AFG1L: variants seen among roughly 807,000 people sequenced by gnomAD.
AFG1L encodes the protein AFG1-like ATPase.
Under a neutral mutation model 62.2 loss-of-function variants are expected in AFG1L, and 53 were observed. The observed-to-expected ratio is 0.85, with a 90% CI of 0.68 to 1.07. The LOEUF is 1.07. AFG1L is among the 50% of genes least tolerant of loss of function. The pLI is 0.00. For missense variants in AFG1L, 555 were observed against 590.5 expected, an observed-to-expected ratio of 0.94 and a Z score of 0.62; for synonymous variants, 228 against 210.3, an observed-to-expected ratio of 1.08 and a Z score of -0.73.
intron 10 of AFG1L, among the ~76,000 whole-genome samples, chr6:108,486,363 C>A (rs1773571971): frequency 6.6e-6 from 1 of 151,488 alleles, no homozygotes; most frequent in Non-Finnish European, 1.5e-5. Context: ...ATCAGTTGAC[C>A]CAAAATTAGT....
chr6:108,400,624 A>T (rs946248295), intron 6 of AFG1L, among the ~76,000 whole-genome samples: 4 of 132,646 alleles, frequency 3.0e-5, no homozygotes, highest in Non-Finnish European at 4.7e-5. Flanking sequence ...AATTTATATA[A>T]AATAATTTAT....
rs546587802 is a variant in AFG1L, at chr6:108,495,891, A to G, written c.1063-14321A>G. 2.0e-5 allele frequency among the ~76,000 whole-genome samples: 3 copies of G among 152,216 alleles called. No homozygotes were observed. In the South Asian group the frequency reaches 6.2e-4, roughly 32 times the overall value. On this transcript the variant is annotated intron_variant, in intron 10 of 12. Coordinates refer to ENST00000368977, the MANE Select transcript of AFG1L (RefSeq NM_145315.5). The stretch of plus-strand genomic sequence containing the variant: ...ATTCAGATAACCAGCCACATCAAAG[A>G]CTATTAAACTTTTTAATTGCTCAGG...
intron 6 of AFG1L, among the ~76,000 whole-genome samples, chr6:108,371,938 TG>T (rs1273758835): frequency 1.3e-5 from 2 of 150,944 alleles, no homozygotes; most frequent in Non-Finnish European, 3.0e-5. Context: ...TAATTTTTTT[TG>T]TAGAGTTAGG....
chr6:108,305,086 T>C (rs745360882), intron 1 of AFG1L, among the ~76,000 whole-genome samples: 1 of 152,246 alleles, frequency 6.6e-6, no homozygotes, highest in African/African-American at 2.4e-5. Context: ...TAAATGTATG[T>C]AATTGAAATA....
chr6:108,487,579 G>A (rs534747982), intron 10 of AFG1L, among the ~76,000 whole-genome samples: 12 of 152,132 alleles, frequency 7.9e-5, no homozygotes, highest in Non-Finnish European at 1.8e-4. Flanking sequence ...AGCTGTAACA[G>A]TCTCCTTTAA....
chr6:108,432,475 TG>T (rs776612198), intron 7 of AFG1L, among the ~76,000 whole-genome samples: 10 of 152,190 alleles, frequency 6.6e-5, no homozygotes, highest in Non-Finnish European at 1.5e-4. Context: ...GGAGTAATGG[TG>T]ATTTTCTTTT....
intron 7 of AFG1L, among the ~76,000 whole-genome samples, chr6:108,431,203 A>C (rs745843117): frequency 2.0e-5 from 3 of 151,864 alleles, no homozygotes; most frequent in African/African-American, 4.8e-5. Context: ...TCCCAGGTTC[A>C]AGCGCTTCTT....
chr6:108,369,639 T>C (rs9718013), intron 6 of AFG1L, among the ~76,000 whole-genome samples: 1 of 152,138 alleles, frequency 6.6e-6, no homozygotes, highest in South Asian at 2.1e-4. Context: ...AGACGGATCC[T>C]TGCTCTGTCG....
At chr6:108,448,792 G>C (rs1358315113) in intron 8 of AFG1L, among the ~76,000 whole-genome samples, 3 of 152,060 alleles carry the variant, frequency 2.0e-5, no homozygotes, top group Non-Finnish European at 4.4e-5. Flanking sequence ...ACAATGTCCA[G>C]AGTCCAGGAA....
chr6:108,367,411 C>T (rs1435513213), intron 6 of AFG1L, among the ~76,000 whole-genome samples: 1 of 151,952 alleles, frequency 6.6e-6, no homozygotes, highest in Non-Finnish European at 1.5e-5. Context: ...GCAGCAATCC[C>T]AAGGGGAGGG....
At chr6:108,381,426 G>C (rs1439561549) in intron 6 of AFG1L, among the ~76,000 whole-genome samples, 1 of 151,640 alleles carries the variant, frequency 6.6e-6, no homozygotes, top group Non-Finnish European at 1.5e-5. Context: ...CAGGACCTGG[G>C]TGCATTTGCA....
At chr6:108,391,073 A>G (rs1781036825) in intron 6 of AFG1L, among the ~76,000 whole-genome samples, 1 of 152,212 alleles carries the variant, frequency 6.6e-6, no homozygotes, top group African/African-American at 2.4e-5. Flanking sequence ...GTGCTGCTAT[A>G]AACATGCATG....
chr6:108,415,648 C>G (rs918060774), intron 7 of AFG1L, among the ~76,000 whole-genome samples: 1 of 152,084 alleles, frequency 6.6e-6, no homozygotes. Flanking sequence ...TTTGAGAAAC[C>G]TGACAAAAAC....
At chr6:108,381,300 C>T (rs1780505346) in intron 6 of AFG1L, among the ~76,000 whole-genome samples, 1 of 150,324 alleles carries the variant, frequency 6.7e-6, no homozygotes, top group Non-Finnish European at 1.5e-5. Context: ...GCAATTTTGT[C>T]ATTTAGGTAA....
chr6:108,370,186 A>G (rs1779942191), intron 6 of AFG1L, among the ~76,000 whole-genome samples: 1 of 152,056 alleles, frequency 6.6e-6, no homozygotes, highest in South Asian at 2.1e-4. Context: ...AGGATTTTGG[A>G]TTTTATTCTA....
intron 8 of AFG1L, among the ~76,000 whole-genome samples, chr6:108,462,178 G>C (rs1772487299): frequency 6.6e-6 from 1 of 152,064 alleles, no homozygotes; most frequent in African/African-American, 2.4e-5. Context: ...GAGATGGGTG[G>C]ATTGCTTGAG....
chr6:108,475,880 C>A (rs1222679640), intron 8 of AFG1L, among the ~76,000 whole-genome samples: 1 of 152,140 alleles, frequency 6.6e-6, no homozygotes, highest in Non-Finnish European at 1.5e-5. Flanking sequence ...TAAAAGATAA[C>A]CTGTCACACT....
chr6:108,369,968 CT>C, intron 6 of AFG1L, among the ~76,000 whole-genome samples: 1 of 151,746 alleles, frequency 6.6e-6, no homozygotes, highest in East Asian at 1.9e-4. Flanking sequence ...ATCTATCTAT[CT>C]ATCTATCTAT....
At chr6:108,298,405 A>G (rs1776852123) in intron 1 of AFG1L, among the ~76,000 whole-genome samples, 1 of 151,376 alleles carries the variant, frequency 6.6e-6, no homozygotes, top group Admixed American at 6.6e-5. Flanking sequence ...AGCTGGAATT[A>G]CAGGCGCCCG....
Sources: gnomAD v4.1 joint callset for allele counts (sites outside exome capture counted in the v4.1 genomes callset) on GRCh38, gnomAD v4.1.1 for gene constraint, MANE v1.5 for transcripts, NCBI Gene and HGNC (gene_info 2026-07-23, HGNC 2026-07-21) for gene names.